CACNA2D3: variants seen among roughly 807,000 people sequenced by gnomAD.
CACNA2D3 encodes voltage-dependent calcium channel subunit alpha-2/delta-3.
In CACNA2D3, 60 loss-of-function variants were observed where a neutral mutation model predicts 160.6. The ratio of observed to expected loss-of-function variants is 0.37; its 90% confidence interval spans 0.30 to 0.46. The LOEUF (loss-of-function observed/expected upper bound fraction) is 0.46. Among genes scored for constraint, CACNA2D3 ranks in the 20% least tolerant of loss-of-function variants. The pLI is 1.00. For missense variants in CACNA2D3, 1,205 were observed against 1,365.0 expected (o/e 0.88, Z 1.85); for synonymous variants, 558 against 492.9 (o/e 1.13, Z -1.75).
At chr3:54,455,946 A>ATGCCAGT (rs1181699554) in intron 4 of CACNA2D3, among the ~76,000 whole-genome samples, 2 of 152,014 alleles carry the variant, frequency 1.3e-5, no homozygotes, top group Non-Finnish European at 2.9e-5. Context: ...GTCTGTTTTT[A>ATGCCAGT]TGCCAGTACT....
intron 27 of CACNA2D3, among the ~76,000 whole-genome samples, chr3:54,955,099 G>A (rs1388162846): frequency 2.0e-5 from 3 of 152,112 alleles, no homozygotes; most frequent in Admixed American, 6.6e-5. Context: ...AAAATTATTC[G>A]AACGTACGTA....
At chr3:54,271,709 C>G (rs996679305) in intron 2 of CACNA2D3, among the ~76,000 whole-genome samples, 1 of 152,188 alleles carries the variant, frequency 6.6e-6, no homozygotes, top group Non-Finnish European at 1.5e-5. Flanking sequence ...CTCTCTGGCT[C>G]TCCCTGGAGT....
At chr3:54,537,835 C>G (rs2106655547) in intron 5 of CACNA2D3, among the ~76,000 whole-genome samples, 1 of 152,140 alleles carries the variant, frequency 6.6e-6, no homozygotes, top group South Asian at 2.1e-4. Context: ...GAGCTGGGCA[C>G]CATGTCTGTG....
chr3:54,628,084 T>A (rs1020286353), intron 10 of CACNA2D3, among the ~76,000 whole-genome samples: 3 of 152,014 alleles, frequency 2.0e-5, no homozygotes, highest in African/African-American at 7.2e-5. Context: ...TACAAAAAAT[T>A]AGCCAGGCAT....
At chr3:54,371,783 C>T (rs534341226) in intron 3 of CACNA2D3, among the ~76,000 whole-genome samples, 1 of 152,288 alleles carries the variant, frequency 6.6e-6, no homozygotes, top group African/African-American at 2.4e-5. Flanking sequence ...GTTCAAGTAT[C>T]AGGAGGTTCA....
chr3:54,739,747 ATATATGTGTGTGTG>A (rs1701606527), intron 11 of CACNA2D3, among the ~76,000 whole-genome samples: 1 of 94,314 alleles, frequency 1.1e-5, no homozygotes, highest in Admixed American at 1.3e-4. Context: ...CCTTCTCCTC[ATATATGTGTGTGTG>A]TGTGTGTGTG....
chr3:54,638,230 G>A (rs1441646699), intron 10 of CACNA2D3: 1 of 151,966 alleles, frequency 6.6e-6, no homozygotes, highest in Non-Finnish European at 1.5e-5. Flanking sequence ...AGGGGCTAGG[G>A]CTGTAAAGTG....
Position 54,232,957 on chromosome 3 carries a change from G to C in CACNA2D3, c.205-87485G>C, listed in dbSNP as rs554361300. On this transcript the variant is annotated intron_variant, in intron 2 of 37. Coordinates refer to ENST00000474759, the MANE Select transcript of CACNA2D3 (RefSeq NM_018398.3). ...TTTAACCCATCTCTACTCCCAAGGA[G>C]TTGTCAGTCTACTGCGGAGACACCA... Among the ~76,000 whole-genome samples, 178 of 152,328 alleles carry C rather than the reference G, an allele frequency of 1.2e-3. 1 individual carries two copies. The highest frequency in any genetic ancestry group is 3.8e-3 in the African/African-American group (160 of 41,578).
At chr3:54,625,259 G>A (rs1352274861) in intron 9 of CACNA2D3, among the ~76,000 whole-genome samples, 1 of 152,178 alleles carries the variant, frequency 6.6e-6, no homozygotes, top group African/African-American at 2.4e-5. Context: ...CCCATGGCAA[G>A]TGCCTGGCAT....
At chr3:54,377,555 TTG>T (rs1381884527) in intron 3 of CACNA2D3, among the ~76,000 whole-genome samples, 2 of 152,216 alleles carry the variant, frequency 1.3e-5, no homozygotes, top group Non-Finnish European at 2.9e-5. Context: ...TGGGAAATTT[TTG>T]TATGTATATT....
At chr3:55,053,608 A>T (rs543702708) in intron 35 of CACNA2D3, among the ~76,000 whole-genome samples, 1 of 152,102 alleles carries the variant, frequency 6.6e-6, no homozygotes, top group African/African-American at 2.4e-5. Context: ...CAAAAAATCC[A>T]AGTTGCTTAG....
chr3:54,951,901 T>A (rs948827884), intron 27 of CACNA2D3, among the ~76,000 whole-genome samples: 2 of 152,126 alleles, frequency 1.3e-5, no homozygotes, highest in African/African-American at 4.8e-5. Context: ...CAGGCTGGAG[T>A]GCAGTGACGC....
intron 9 of CACNA2D3, among the ~76,000 whole-genome samples, chr3:54,616,320 C>T (rs1258260538): frequency 6.6e-6 from 1 of 152,150 alleles, no homozygotes; most frequent in Non-Finnish European, 1.5e-5. Context: ...GACTTCAGTT[C>T]CCTGACAGCT....
intron 35 of CACNA2D3, among the ~76,000 whole-genome samples, chr3:55,029,584 T>C (rs986239626): frequency 6.6e-6 from 1 of 151,898 alleles, no homozygotes; most frequent in Non-Finnish European, 1.5e-5. Flanking sequence ...TTTTTTTTGC[T>C]CTGATGAGAC....
chr3:54,606,108 C>G (rs1698610250), intron 9 of CACNA2D3, among the ~76,000 whole-genome samples: 1 of 151,858 alleles, frequency 6.6e-6, no homozygotes, highest in African/African-American at 2.4e-5. Flanking sequence ...TGCATTAGAA[C>G]CAGGTACTAT....
intron 18 of CACNA2D3, among the ~76,000 whole-genome samples, chr3:54,877,416 G>A (rs1378002294): frequency 6.6e-6 from 1 of 152,108 alleles, no homozygotes; most frequent in African/African-American, 2.4e-5. Flanking sequence ...TGAGTGCTTG[G>A]GAGGCACCAG....
chr3:54,809,988 A>G (rs913238221), intron 13 of CACNA2D3, among the ~76,000 whole-genome samples: 12 of 152,238 alleles, frequency 7.9e-5, no homozygotes, highest in Non-Finnish European at 1.6e-4. Context: ...AATAAACAAG[A>G]TGATATTATA....
intron 2 of CACNA2D3, among the ~76,000 whole-genome samples, chr3:54,236,373 A>T (rs1478103022): frequency 6.6e-6 from 1 of 152,244 alleles, no homozygotes; most frequent in Non-Finnish European, 1.5e-5. Flanking sequence ...ATGTAAGTGG[A>T]TAACCACAGA....
At chr3:55,006,700 T>C (rs556968892) in intron 32 of CACNA2D3, among the ~76,000 whole-genome samples, 2 of 110,870 alleles carry the variant, frequency 1.8e-5, no homozygotes, top group South Asian at 2.8e-4. Flanking sequence ...CTCAGCATTG[T>C]TGTTGTTGTT....
Sources: gnomAD v4.1 joint callset for allele counts (sites outside exome capture counted in the v4.1 genomes callset) on GRCh38, gnomAD v4.1.1 for gene constraint, MANE v1.5 for transcripts, NCBI Gene and HGNC (gene_info 2026-07-23, HGNC 2026-07-21) for gene names.